SAP130: variants seen among roughly 807,000 people sequenced by gnomAD.
SAP130 encodes Sin3A associated protein 130, also known as histone deacetylase complex subunit SAP130.
In SAP130, 16 loss-of-function variants were observed where a neutral mutation model predicts 103.2. That is an observed-to-expected ratio of 0.16 (90% CI 0.10 to 0.24). SAP130 has a LOEUF of 0.24. Among genes scored for constraint, SAP130 ranks in the 10% least tolerant of loss-of-function variants. SAP130 has a pLI of 1.00. For missense variants in SAP130, 990 were observed against 1,359.7 expected (o/e 0.73, Z 4.28); for synonymous variants, 477 against 497.0 (o/e 0.96, Z 0.53).
At chr2:128,020,611 T>C (rs1685085051) in intron 2 of SAP130, among the ~76,000 whole-genome samples, 1 of 152,232 alleles carries the variant, frequency 6.6e-6, no homozygotes, top group African/African-American at 2.4e-5. Flanking sequence ...AGTAATGTTC[T>C]TGTACGTGTC....
At chr2:127,971,254 T>A (rs1681067519) in intron 15 of SAP130, among the ~76,000 whole-genome samples, 1 of 151,550 alleles carries the variant, frequency 6.6e-6, no homozygotes, top group Non-Finnish European at 1.5e-5. Context: ...CACACGACTA[T>A]CTTTCTTTGT....
chr2:127,971,399 C>T (rs1379108057), intron 15 of SAP130, among the ~76,000 whole-genome samples: 1 of 151,984 alleles, frequency 6.6e-6, no homozygotes, highest in Non-Finnish European at 1.5e-5. Flanking sequence ...CATTCTCCTG[C>T]CTCAGCCTCC....
chr2:127,998,658 G>C (rs574442141), intron 10 of SAP130, among the ~76,000 whole-genome samples: 7 of 152,198 alleles, frequency 4.6e-5, no homozygotes, highest in East Asian at 1.9e-4. Context: ...TACGTTTCCT[G>C]GTACTTTTTA....
chr2:128,015,259 A>T (rs1186096144), intron 4 of SAP130, among the ~76,000 whole-genome samples: 1 of 152,002 alleles, frequency 6.6e-6, no homozygotes, highest in African/African-American at 2.4e-5. Flanking sequence ...TCCCATTCTC[A>T]CTATTTCCTT....
chr2:127,942,759 C>T lies in SAP130; in HGVS notation c.2902-222G>A, dbSNP rs146753522. Among the ~76,000 whole-genome samples the T allele has an allele frequency of 3.1e-3, 470 of 152,240 alleles. 3 individuals carry two copies. Among genetic ancestry groups the T allele is most frequent in the African/African-American group, 0.011 (445 of 41,548 alleles). On this transcript the variant is annotated intron_variant, in intron 19 of 20. Transcript: ENST00000643581. The surrounding 1 kb of genome is among the most constrained non-coding windows in gnomAD (Gnocchi z 4.8). Reference sequence around the variant, plus strand: ...ATCCCAGCACTTTGGGAGGTCGAGGCGGGTGGATCACCTGAGGTCCAGAGT... The same window carrying T: ...ATCCCAGCACTTTGGGAGGTCGAGGTGGGTGGATCACCTGAGGTCCAGAGT...
At chr2:127,976,903 A>C (rs890642893) in intron 15 of SAP130, among the ~76,000 whole-genome samples, 4 of 152,162 alleles carry the variant, frequency 2.6e-5, no homozygotes, top group African/African-American at 9.7e-5. Context: ...CTGTCTCAAA[A>C]CAAACGAACA....
chr2:127,978,802 T>C (rs1681655131), intron 14 of SAP130, among the ~76,000 whole-genome samples: 1 of 152,052 alleles, frequency 6.6e-6, no homozygotes, highest in African/African-American at 2.4e-5. Flanking sequence ...AAGAGACTAA[T>C]CACCAAACTA....
At chr2:128,005,798 C>A (rs1195422706) in intron 7 of SAP130, among the ~76,000 whole-genome samples, 2 of 151,978 alleles carry the variant, frequency 1.3e-5, no homozygotes, top group Non-Finnish European at 2.9e-5. Context: ...AGGCATCCGG[C>A]CCCATGCCCA....
At chr2:127,993,384 C>A in intron 11 of SAP130, 76 bp from the exon 12 acceptor site, 1 of 1,460,926 alleles carries the variant, frequency 6.8e-7, no homozygotes, top group South Asian at 1.4e-5. Flanking sequence ...TACCCCAGTT[C>A]CTCTTTGTGT....
At chr2:127,975,439 A>G (rs1365265399) in intron 15 of SAP130, among the ~76,000 whole-genome samples, 1 of 152,248 alleles carries the variant, frequency 6.6e-6, no homozygotes, top group African/African-American at 2.4e-5. Flanking sequence ...CCATATTGAA[A>G]AAGTCTAGTG....
At chr2:128,015,708 G>A (rs554949945) in intron 4 of SAP130, among the ~76,000 whole-genome samples, 9 of 152,050 alleles carry the variant, frequency 5.9e-5, no homozygotes, top group Non-Finnish European at 1.0e-4. Flanking sequence ...TTGGGAGGCC[G>A]AGGCGGGCAG....
chr2:127,956,396 G>T (rs1176006530), intron 15 of SAP130, among the ~76,000 whole-genome samples: 1 of 152,126 alleles, frequency 6.6e-6, no homozygotes, highest in African/African-American at 2.4e-5. Context: ...TTATGCATGG[G>T]AACTAGCTGG....
At chr2:127,963,853 T>A (rs964383648) in intron 15 of SAP130, among the ~76,000 whole-genome samples, 1 of 152,196 alleles carries the variant, frequency 6.6e-6, no homozygotes, top group African/African-American at 2.4e-5. Context: ...ATGTGGGGCC[T>A]CCCCAGCCAC....
chr2:127,981,877 C>T (rs1681962377), intron 14 of SAP130, among the ~76,000 whole-genome samples: 1 of 152,096 alleles, frequency 6.6e-6, no homozygotes, highest in East Asian at 1.9e-4. Flanking sequence ...CAGTTCTGGC[C>T]CTACAAAACC....
chr2:127,964,351 G>T (rs2104823707), intron 15 of SAP130, among the ~76,000 whole-genome samples: 1 of 151,800 alleles, frequency 6.6e-6, no homozygotes, highest in South Asian at 2.1e-4. Flanking sequence ...AAAATTAGCT[G>T]GGCGTGTTGG....
In SAP130 at chr2:127,955,264, T is replaced by C. The variant is rs763879423; in HGVS notation, c.2144A>G (p.Asn715Ser). Residue 715 changes from asparagine (N) to serine (S), a missense_variant, in exon 16 of 21, where the codon AAT becomes AGT. By Grantham distance (46) the Asn-to-Ser change is conservative. This residue lies in a region of SAP130 where 349 missense variants were observed against 384.1 expected (regional missense o/e 0.91). Transcript: ENST00000643581. This position sits in a 1 kb window ranked among gnomAD's most constrained non-coding sequence, Gnocchi z 4.9. ...AGGGACGGCAATGGTAGGCTGATCA[T>C]TATTTTGATTGGATACAGTCTCCAT... The part of the protein sequence containing the change: ...VSMETVSNQN[N>S]DQPTIAVPPT... 2 of 1,613,756 alleles carry C rather than the reference T, an allele frequency of 1.2e-6. No homozygotes were observed. The highest frequency in any genetic ancestry group is 1.3e-5 in the African/African-American group (1 of 74,896).
At chr2:127,970,495 C>T (rs557037745) in intron 15 of SAP130, among the ~76,000 whole-genome samples, 77 of 130,516 alleles carry the variant, frequency 5.9e-4, no homozygotes, top group Non-Finnish European at 1.0e-3. Flanking sequence ...GAGCCGAGAT[C>T]GTACCACTGC....
At chr2:127,954,941 G>T in intron 16 of SAP130, 45 bp downstream of exon 16, 1 of 1,403,222 alleles carries the variant, frequency 7.1e-7, no homozygotes, top group Non-Finnish European at 9.9e-7. Flanking sequence ...TTAGGGAAGG[G>T]GAAGAGGCAA....
In SAP130 at chr2:127,945,660, AT is replaced by A. The variant is rs919168283; in HGVS notation, c.2798-102del. The A allele has an allele frequency of 3.8e-3, 2,461 of 650,414 alleles. 1 individual carries two copies. Among genetic ancestry groups the A allele is most frequent in the South Asian group, 5.8e-3 (286 of 49,384 alleles). 40.3% of individuals were successfully genotyped at this position (650,414 alleles called of 1,614,324 possible). A position where few individuals can be genotyped will look rare whatever the true frequency, so the allele number is the denominator to read the frequency against. On this transcript the variant is annotated intron_variant, in intron 18 of 20. Transcript: ENST00000643581. Reference sequence around the variant, plus strand: ...ATGCCATTATTTTAACAAGAATTTTATTTTTTTTTTGAGACAGTGTCTGGCT... The same window carrying A: ...ATGCCATTATTTTAACAAGAATTTTATTTTTTTTTGAGACAGTGTCTGGCT...
Sources: allele counts gnomAD v4.1 joint callset (sites outside exome capture counted in the v4.1 genomes callset), GRCh38; gene constraint gnomAD v4.1.1; regional missense constraint gnomAD v4.1.1; non-coding constraint Gnocchi (gnomAD v3.1); transcripts MANE v1.5; gene names NCBI Gene and HGNC (gene_info 2026-07-23, HGNC 2026-07-21).